The following ATP8B1 variants were observed in gnomAD, a reference collection of about 807,000 sequenced individuals.
ATP8B1 encodes ATPase phospholipid transporting 8B1.
A neutral mutation model predicts 149.9 loss-of-function variants in ATP8B1; 80 were observed. The observed-to-expected ratio is 0.53, with a 90% confidence interval of 0.45 to 0.64. ATP8B1 has a LOEUF of 0.64. Ranked by LOEUF, ATP8B1 falls within the 30% of genes least tolerant of loss-of-function variation. The pLI, the probability that ATP8B1 is intolerant of heterozygous loss-of-function variation, is 0.00. For missense variants in ATP8B1, 1,247 were observed against 1,552.6 expected (o/e 0.80, Z 3.31); for synonymous variants, 536 against 562.8 (o/e 0.95, Z 0.67).
At position 57,776,981 on chromosome 18, in the gene ATP8B1, C is replaced by CTT. The variant is rs781610628; in HGVS notation, c.-26+26015_-26+26016dup. Among the ~76,000 whole-genome samples the CTT allele has an allele frequency of 1.5e-4, 21 of 138,734 alleles. 1 individual carries two copies. Among genetic ancestry groups the CTT allele is most frequent in the South Asian group, 1.4e-3 (6 of 4,296 alleles). 91.0% of individuals were successfully genotyped at this position (138,734 alleles called of 152,430 possible). A position where few individuals can be genotyped will look rare whatever the true frequency, so the allele number is the denominator to read the frequency against. On this transcript the variant is annotated intron_variant, in intron 1 of 27. Coordinates refer to ENST00000648908, the MANE Select transcript of ATP8B1 (RefSeq NM_001374385.1). Reference sequence around the variant, plus strand: ...CTTCCTTTCCAACTGTTTTCTCAGGCTTTTTTTTTTTTTTTTAAATAGGGT... The same window carrying CTT: ...CTTCCTTTCCAACTGTTTTCTCAGGCTTTTTTTTTTTTTTTTTTAAATAGGGT...
intron 1 of ATP8B1, among the ~76,000 whole-genome samples, chr18:57,795,978 G>A (rs545769501): frequency 6.4e-4 from 98 of 152,226 alleles, no homozygotes; most frequent in African/African-American, 2.1e-3. Flanking sequence ...AGATCAGCCT[G>A]GCCAACATGG....
At chr18:57,694,496 G>A in intron 11 of ATP8B1, 86 bp downstream of exon 11, 1 of 961,680 alleles carries the variant, frequency 1.0e-6, no homozygotes, top group Non-Finnish European at 1.6e-6. Context: ...AAAGAGGTAA[G>A]ATTTTGTATT....
intron 21 of ATP8B1, among the ~76,000 whole-genome samples, chr18:57,662,154 C>G (rs1910495275): frequency 6.6e-6 from 1 of 152,216 alleles, no homozygotes; most frequent in Non-Finnish European, 1.5e-5. Context: ...CTGCTTCAAC[C>G]TCCAGAGGAG....
intron 1 of ATP8B1, among the ~76,000 whole-genome samples, chr18:57,732,271 GTA>G (rs200239389): frequency 3.5e-4 from 1 of 2,872 alleles, no homozygotes; most frequent in African/African-American, 4.6e-4. Context: ...GTGTATATAT[GTA>G]TATATGTGTA....
Position 57,646,692 on chromosome 18 carries a change from C to T in ATP8B1, c.*1796G>A, listed in dbSNP as rs747148347. On this transcript the variant is annotated 3_prime_UTR_variant, in exon 28 of 28. Coordinates refer to ENST00000648908, the MANE Select transcript of ATP8B1 (RefSeq NM_001374385.1). ...TTTCTGTAAAAAAAGAAAAAACTTA[C>T]AATTTTTTATTTACAAGTTAAGGAA... The T allele has an allele frequency of 5.9e-5, 9 of 152,496 alleles. No homozygotes were observed. Among genetic ancestry groups the T allele is most frequent in the Non-Finnish European group, 1.0e-4 (7 of 68,002 alleles). 9.4% of individuals were successfully genotyped at this position (152,496 alleles called of 1,614,324 possible). A position where few individuals can be genotyped will look rare whatever the true frequency, so the allele number is the denominator to read the frequency against.
At chr18:57,728,219 G>T (rs1012153626) in intron 2 of ATP8B1, among the ~76,000 whole-genome samples, 1 of 152,054 alleles carries the variant, frequency 6.6e-6, no homozygotes, top group Non-Finnish European at 1.5e-5. Context: ...GGCTGCTTAG[G>T]CAGTGTTTTG....
At chr18:57,728,881 G>A (rs1455112049) in intron 2 of ATP8B1, among the ~76,000 whole-genome samples, 1 of 151,764 alleles carries the variant, frequency 6.6e-6, no homozygotes, top group Non-Finnish European at 1.5e-5. Context: ...CACCATGCCG[G>A]GCTAATTTTT....
chr18:57,652,327 A>T (rs1261798366), intron 25 of ATP8B1, among the ~76,000 whole-genome samples, 155 bp from the exon 26 acceptor site: 1 of 152,226 alleles, frequency 6.6e-6, no homozygotes, highest in Non-Finnish European at 1.5e-5. Flanking sequence ...CAGGCAAGAA[A>T]TAGAAAATGT....
In ATP8B1 at chr18:57,668,464, T is replaced by C; in HGVS notation, c.2174A>G (p.Asp725Gly). ...TCCAGTAAGCACCCAGATCTTAATG[T>C]CAGCTTTTGCAAGTTTTGAAATGGT... Reference protein sequence around the residue: ...PETISKLAKADIKIWVLTGDK... With the variant: ...PETISKLAKAGIKIWVLTGDK... Residue 725 changes from aspartate to glycine, a missense_variant, in exon 19 of 28, where the codon GAC (aspartate) becomes GGC (glycine). Coordinates refer to ENST00000648908, the MANE Select transcript of ATP8B1 (RefSeq NM_001374385.1). The C allele has an allele frequency of 1.2e-6, 2 of 1,613,006 alleles. No homozygotes were observed. The highest frequency in any genetic ancestry group is 1.7e-6 in the Non-Finnish European group (2 of 1,179,340).
intron 2 of ATP8B1, among the ~76,000 whole-genome samples, chr18:57,722,610 T>C (rs1356233583): frequency 6.5e-5 from 5 of 76,758 alleles, no homozygotes; most frequent in East Asian, 4.6e-4. Context: ...TAATCAATAG[T>C]TTACCAACCA....
At chr18:57,735,643 GTTATAT>G (rs1355563717) in intron 1 of ATP8B1, 21 of 152,088 alleles carry the variant, frequency 1.4e-4, no homozygotes, top group Admixed American at 1.1e-3. Context: ...TAATTCCCTG[GTTATAT>G]TTATACTTTC....
Position 57,648,383 on chromosome 18 carries a change from T to C in ATP8B1, c.*105A>G, listed in dbSNP as rs1599060261. ...TATAAAGATTATTTATTGTCTTCAA[T>C]ATCTTTGTGATGAATGCAATTCACA... is the stretch of plus-strand genomic sequence containing the variant. On this transcript the variant is annotated 3_prime_UTR_variant, in exon 28 of 28. Coordinates refer to ENST00000648908, the MANE Select transcript of ATP8B1 (RefSeq NM_001374385.1). 2 of 1,266,660 alleles carry C rather than the reference T, an allele frequency of 1.6e-6. No homozygotes were observed. Among genetic ancestry groups the C allele is most frequent in the East Asian group, 4.7e-5 (2 of 42,574 alleles). The allele number at this position is 1,266,660 out of a possible 1,614,324, so 78.5% of individuals were successfully genotyped here.
rs150383386 is a variant in ATP8B1, at chr18:57,735,199, C to T, written c.-25-3367G>A. The stretch of plus-strand genomic sequence containing the variant: ...GAACTGAGCTTTCGCTCGCCGTCCA[C>T]CACTGCTGTTTTGCTGCCGTCGCAG... On this transcript the variant is annotated intron_variant, in intron 1 of 27. Transcript: ENST00000648908. 1.9e-3 allele frequency: 328 copies of T among 168,498 alleles called. 3 individuals are homozygous for T. The highest frequency in any genetic ancestry group is 7.6e-3 in the African/African-American group (316 of 41,794). 10.4% of individuals were successfully genotyped at this position (168,498 alleles called of 1,614,324 possible).
At chr18:57,720,018 G>A (rs1338668815) in intron 2 of ATP8B1, among the ~76,000 whole-genome samples, 1 of 151,802 alleles carries the variant, frequency 6.6e-6, no homozygotes, top group South Asian at 2.1e-4. Flanking sequence ...TATTCCAACA[G>A]ACCTGCAGCT....
chr18:57,681,793 C>T (rs1354718319), intron 15 of ATP8B1, among the ~76,000 whole-genome samples: 2 of 152,034 alleles, frequency 1.3e-5, no homozygotes, highest in Non-Finnish European at 2.9e-5. Context: ...AAGAGCAAGA[C>T]TGTCTCAAAA....
At chr18:57,790,707 A>G (rs2080456632) in intron 1 of ATP8B1, among the ~76,000 whole-genome samples, 1 of 152,136 alleles carries the variant, frequency 6.6e-6, no homozygotes, top group African/African-American at 2.4e-5. Flanking sequence ...AAAATTTACC[A>G]TTTTAACTAC....
intron 1 of ATP8B1, among the ~76,000 whole-genome samples, chr18:57,732,427 TAACAATC>T (rs2079795198): frequency 1.3e-5 from 2 of 150,880 alleles, no homozygotes; most frequent in African/African-American, 4.9e-5. Context: ...ATTTAGTGGG[TAACAATC>T]AACATTAAAA....
intron 1 of ATP8B1, among the ~76,000 whole-genome samples, chr18:57,736,511 A>G (rs387736): frequency 0.98 from 138,964 of 142,236 alleles, 67,964 homozygotes; most frequent in East Asian, 1. Flanking sequence ...CTCAGGCTAG[A>G]GTGTAGTAGG....
chr18:57,785,370 T>G (rs1262004131), intron 1 of ATP8B1, among the ~76,000 whole-genome samples: 1 of 152,136 alleles, frequency 6.6e-6, no homozygotes, highest in Non-Finnish European at 1.5e-5. Context: ...GCCATAAGAG[T>G]CCTTTTTTTC....
Sources: gnomAD v4.1 joint callset for allele counts (sites outside exome capture counted in the v4.1 genomes callset) on GRCh38, gnomAD v4.1.1 for gene constraint, MANE v1.5 for transcripts, NCBI Gene and HGNC (gene_info 2026-07-23, HGNC 2026-07-21) for gene names.